Variants in NCAM1 observed in about 807,000 individuals in gnomAD.
The protein encoded by NCAM1 is antigen recognized by monoclonal antibody 5.1H11.
A neutral mutation model predicts 109.8 loss-of-function variants in NCAM1; 14 were observed. That is an observed-to-expected ratio of 0.13 (90% CI 0.08 to 0.20). The LOEUF (loss-of-function observed/expected upper bound fraction) is 0.20. Among genes scored for constraint, NCAM1 ranks in the 10% least tolerant of loss-of-function variants. The pLI is 1.00. For synonymous variants in NCAM1, 418 were observed against 442.9 expected (o/e 0.94, Z 0.70); for missense variants, 774 against 1,109.9 (o/e 0.70, Z 4.30).
intron 8 of NCAM1, among the ~76,000 whole-genome samples, chr11:113,220,861 G>A (rs559626271): frequency 1.3e-5 from 2 of 151,840 alleles, no homozygotes; most frequent in Admixed American, 6.6e-5. Context: ...TGCCTGCCTC[G>A]GCCTCCCAAA....
chr11:113,269,809 A>C (rs1396495051), intron 17 of NCAM1: 9 of 256,062 alleles, frequency 3.5e-5, no homozygotes, highest in Non-Finnish European at 6.1e-5. Flanking sequence ...ATCAGTGATC[A>C]CTGCCTGCCT....
chr11:113,122,171 T>G (rs1190936441), intron 1 of NCAM1, among the ~76,000 whole-genome samples: 2 of 152,200 alleles, frequency 1.3e-5, no homozygotes, highest in Non-Finnish European at 2.9e-5. Context: ...TCTAGGTCCT[T>G]TTGCAGAACT....
intron 1 of NCAM1, among the ~76,000 whole-genome samples, chr11:113,132,270 T>C (rs1203351429): frequency 6.6e-6 from 1 of 152,130 alleles, no homozygotes; most frequent in Admixed American, 6.6e-5. Context: ...ACTGAAATAA[T>C]GTCTGTAAAA....
At chr11:113,073,252 CT>C (rs1200526479) in intron 1 of NCAM1, among the ~76,000 whole-genome samples, 1 of 151,558 alleles carries the variant, frequency 6.6e-6, no homozygotes, top group African/African-American at 2.4e-5. Context: ...TTATACTATT[CT>C]TTTTTTCTCC....
chr11:113,068,011 C>T (rs183787211), intron 1 of NCAM1, among the ~76,000 whole-genome samples: 32 of 150,662 alleles, frequency 2.1e-4, no homozygotes, highest in Middle Eastern at 3.4e-3. Context: ...CCTGGGTTCA[C>T]GCCATTCTCC....
At chr11:113,267,319 TA>T (rs1211701172) in intron 17 of NCAM1, among the ~76,000 whole-genome samples, 20 of 152,166 alleles carry the variant, frequency 1.3e-4, no homozygotes, top group Admixed American at 5.9e-4. Flanking sequence ...TGGGATGTCC[TA>T]GGGGGGATGG....
chr11:113,052,050 C>G (rs1422378688), intron 1 of NCAM1, among the ~76,000 whole-genome samples: 1 of 152,134 alleles, frequency 6.6e-6, no homozygotes, highest in Non-Finnish European at 1.5e-5. Context: ...CAACTTTAGG[C>G]AAGAGAGTCT....
Position 113,232,283 on chromosome 11 carries a change from G to T in NCAM1, c.1354G>T (p.Gly452Cys). 1 of 1,613,892 alleles carries T rather than the reference G, an allele frequency of 6.2e-7. No homozygotes were observed. ...TGCCACGATCTCATGGTTTCGGGAT[G>T]GCCAGCTGCTGCCAAGCTCCAATTA... ...PSATISWFRD[G>C]QLLPSSNYSN... The change falls in exon 11 of 20, where the codon GGC becomes TGC. Residue 452 changes from glycine to cysteine, a missense_variant. By Grantham distance (159) the Gly-to-Cys change is radical. Coordinates refer to ENST00000316851, the MANE Select transcript of NCAM1 (RefSeq NM_181351.5).
chr11:113,109,280 G>A (rs545957535), intron 1 of NCAM1, among the ~76,000 whole-genome samples: 6 of 150,918 alleles, frequency 4.0e-5, no homozygotes, highest in East Asian at 2.0e-4. Flanking sequence ...CCCGGGAGGC[G>A]GAGGTTGCAG....
chr11:113,036,987 T>G (rs1952909186), intron 1 of NCAM1, among the ~76,000 whole-genome samples: 1 of 152,118 alleles, frequency 6.6e-6, no homozygotes, highest in Admixed American at 6.5e-5. Context: ...CCATTTACCC[T>G]TTCTTCTGTA....
chr11:113,030,886 T>C (rs1289297784), intron 1 of NCAM1, among the ~76,000 whole-genome samples: 1 of 152,202 alleles, frequency 6.6e-6, no homozygotes, highest in Non-Finnish European at 1.5e-5. Flanking sequence ...TTCAAGGAAG[T>C]AATAGCTAAT....
chr11:113,137,496 A>G (rs1555099703), intron 1 of NCAM1, among the ~76,000 whole-genome samples: 1 of 152,246 alleles, frequency 6.6e-6, no homozygotes. Flanking sequence ...TTAAGCAACA[A>G]ATATTAATTT....
chr11:113,223,454 T>TA lies in NCAM1; in HGVS notation c.1089+2140dup, dbSNP rs782230687. On this transcript the variant is annotated intron_variant, in intron 9 of 19. Coordinates refer to ENST00000316851, the MANE Select transcript of NCAM1 (RefSeq NM_181351.5). Reference sequence around the variant, plus strand: ...TTCCTGAAAGAAACTAGATAGGAATTAAAAAAAAAAAGTATGGCTGTTCAC... The same window carrying TA: ...TTCCTGAAAGAAACTAGATAGGAATTAAAAAAAAAAAAGTATGGCTGTTCAC... 3.8e-3 allele frequency among the ~76,000 whole-genome samples: 561 copies of TA among 146,866 alleles called. 6 individuals carry two copies. The highest frequency in any genetic ancestry group is 0.036 in the East Asian group (185 of 5,076).
intron 1 of NCAM1, among the ~76,000 whole-genome samples, chr11:113,099,534 CAACA>C (rs1398724719): frequency 2.6e-5 from 4 of 152,106 alleles, no homozygotes; most frequent in African/African-American, 9.7e-5. Context: ...TGTGCGTTAA[CAACA>C]AACAAACCAG....
chr11:113,178,828 G>A (rs1300335259), intron 1 of NCAM1, among the ~76,000 whole-genome samples: 3 of 152,162 alleles, frequency 2.0e-5, no homozygotes, highest in Admixed American at 2.0e-4. Flanking sequence ...TACAGCATTC[G>A]AAGGCCAACA....
At chr11:113,143,073 G>C (rs1223899879) in intron 1 of NCAM1, among the ~76,000 whole-genome samples, 1 of 152,048 alleles carries the variant, frequency 6.6e-6, no homozygotes, top group Non-Finnish European at 1.5e-5. Context: ...CTAAAATAAG[G>C]TCATTCGCCT....
rs531794306 is a variant in NCAM1, at chr11:113,100,824, G to A, written c.53-101555G>A. Among the ~76,000 whole-genome samples, 292 of 152,188 alleles carry A rather than the reference G, an allele frequency of 1.9e-3. 5 individuals are homozygous for A. The highest frequency in any genetic ancestry group is 5.9e-3 in the African/African-American group (244 of 41,518). On this transcript the variant is annotated intron_variant, in intron 1 of 19. Transcript: ENST00000316851. ...ATGTGAAGTTCTCATTTATGGCCGC[G>A]GGCCCAGGCTTGTGAGTGGGGCTTT...
chr11:113,127,748 A>G (rs1159996836), intron 1 of NCAM1, among the ~76,000 whole-genome samples: 1 of 152,272 alleles, frequency 6.6e-6, no homozygotes, highest in Non-Finnish European at 1.5e-5. Flanking sequence ...AAAATCAGAC[A>G]GCTGCTCAGC....
Position 113,060,970 on chromosome 11 carries a change from A to G in NCAM1, c.52+99306A>G, listed in dbSNP as rs185321173. 1.2e-4 allele frequency among the ~76,000 whole-genome samples: 19 copies of G among 152,260 alleles called. No homozygotes were observed. The South Asian group carries it at 1.9e-3, about 15-fold the overall frequency. Reference sequence around the variant, plus strand: ...TCTTAGCAGAGTTTAAGTATATAATACCATTTTGTTAGCTAGAGGCCCTAT... The same window carrying G: ...TCTTAGCAGAGTTTAAGTATATAATGCCATTTTGTTAGCTAGAGGCCCTAT... On this transcript the variant is annotated intron_variant, in intron 1 of 19. Coordinates refer to ENST00000316851, the MANE Select transcript of NCAM1 (RefSeq NM_181351.5).
Sources: gnomAD v4.1 joint callset for allele counts (sites outside exome capture counted in the v4.1 genomes callset) on GRCh38, gnomAD v4.1.1 for gene constraint, MANE v1.5 for transcripts, NCBI Gene and HGNC (gene_info 2026-07-23, HGNC 2026-07-21) for gene names.